Variants in ESPNL observed in about 807,000 individuals in gnomAD.
ESPNL encodes the protein espin like.
A neutral mutation model predicts 46.8 loss-of-function variants in ESPNL; 49 were observed. The observed-to-expected ratio is 1.05, with a 90% CI of 0.83 to 1.33. The LOEUF (loss-of-function observed/expected upper bound fraction) is 1.33, where lower values mean the gene tolerates loss of function less well. Ranked by LOEUF, ESPNL falls within the 40% of genes most tolerant of loss-of-function variation. The pLI, the probability that ESPNL is intolerant of heterozygous loss-of-function variation, is 0.00. For missense variants in ESPNL, 1,540 were observed against 1,436.6 expected, an observed-to-expected ratio of 1.07 and a Z score of -1.16; for synonymous variants, 664 against 662.1, an observed-to-expected ratio of 1.00 and a Z score of -0.04.
At chr2:238,113,866 TC>T (rs1691761508) in intron 4 of ESPNL, among the ~76,000 whole-genome samples, 1 of 152,168 alleles carries the variant, frequency 6.6e-6, no homozygotes. Context: ...TAACTGTTCT[TC>T]CGTCGTCAGC....
chr2:238,108,804 CT>C (rs1212503819), intron 4 of ESPNL, among the ~76,000 whole-genome samples: 1 of 152,220 alleles, frequency 6.6e-6, no homozygotes, highest in Non-Finnish European at 1.5e-5. Flanking sequence ...CAAGGTCTTC[CT>C]GGGGCCCCGG....
At chr2:238,120,214 C>T (rs1691955664) in intron 5 of ESPNL, among the ~76,000 whole-genome samples, 1 of 152,180 alleles carries the variant, frequency 6.6e-6, no homozygotes, top group African/African-American at 2.4e-5. Flanking sequence ...TGGCCCACAG[C>T]CCAGGAGTGC....
At chr2:238,124,837 A>G (rs1692069028) in intron 5 of ESPNL, among the ~76,000 whole-genome samples, 1 of 149,758 alleles carries the variant, frequency 6.7e-6, no homozygotes, top group African/African-American at 2.5e-5. Context: ...AGGAGAGTAC[A>G]TGCATGTGTG....
chr2:238,101,131 C>T (rs1031950027), intron 1 of ESPNL, among the ~76,000 whole-genome samples: 2 of 152,154 alleles, frequency 1.3e-5, no homozygotes, highest in Non-Finnish European at 1.5e-5. Context: ...TGATGGTGAT[C>T]GTCTTGTCCG....
At chr2:238,104,540 G>C in intron 2 of ESPNL, 116 bp from the exon 3 acceptor site, 3 of 1,201,076 alleles carry the variant, frequency 2.5e-6, no homozygotes, top group Non-Finnish European at 3.4e-6. Flanking sequence ...TGGAAAGCAT[G>C]TGGGAAACTC....
chr2:238,131,222 C>T lies in ESPNL; in HGVS notation c.2508C>T (p.Pro836=), dbSNP rs528664222. 5.8e-5 allele frequency: 90 copies of T among 1,553,360 alleles called. No individual in the cohort carries two copies. In the East Asian group the frequency reaches 1.3e-3, roughly 23 times the overall value. Residue 836 remains proline (P), a synonymous_variant, in exon 9 of 9, where the codon CCC becomes CCT. Coordinates refer to ENST00000343063, the MANE Select transcript of ESPNL (RefSeq NM_194312.4). The part of the protein sequence containing the change: ...LSRQPRGALS[P]EQFLPHVDGA... ...GGCAGCCCCGCGGGGCTTTGTCCCC[C>T]GAGCAGTTCCTGCCCCACGTGGACG...
rs761246347 is a variant in ESPNL, at chr2:238,100,485, G to A, written c.66G>A (p.Leu22=). ...ATGTGGCGACGTTGGAGCGGCTGCT[G>A]GAGGCTGGCGCCCTGGGCCCGGGCA... ...DGDVATLERL[L]EAGALGPGIT... is the part of the protein sequence containing the mutation. Residue 22 remains leucine (L), a synonymous_variant, in exon 1 of 9, where the codon CTG becomes CTA. Transcript: ENST00000343063. 6.2e-7 allele frequency: 1 copy of A among 1,601,024 alleles called. No homozygotes were observed.
intron 2 of ESPNL, among the ~76,000 whole-genome samples, chr2:238,102,955 C>T (rs1482228388): frequency 6.6e-6 from 1 of 152,236 alleles, no homozygotes; most frequent in African/African-American, 2.4e-5. Flanking sequence ...CGACAGCTTG[C>T]TTGTGGAATC....
At chr2:238,126,957 GTGTC>G (rs963429441) in intron 6 of ESPNL, among the ~76,000 whole-genome samples, 19 of 80,044 alleles carry the variant, frequency 2.4e-4, no homozygotes, top group East Asian at 8.9e-4. Flanking sequence ...CTGTTATTGT[GTGTC>G]TGTGTGTATG....
chr2:238,100,347 G>T lies in ESPNL; in HGVS notation c.-73G>T. The T allele has an allele frequency of 4.1e-6, 5 of 1,230,348 alleles. No individual in the cohort carries two copies. The highest frequency in any genetic ancestry group is 5.2e-6 in the Non-Finnish European group (5 of 961,320). 76.2% of individuals were successfully genotyped at this position (1,230,348 alleles called of 1,614,324 possible). A position where few individuals can be genotyped will look rare whatever the true frequency, so the allele number is the denominator to read the frequency against. On this transcript the variant is annotated 5_prime_UTR_variant, in exon 1 of 9. Transcript: ENST00000343063. ...GCAGCTTATCGGGTAACCAGAGCCG[G>T]CAGCTTCATCCACGTCTGAAACAGG... is the stretch of plus-strand genomic sequence containing the variant.
At chr2:238,103,436 AGAAG>A (rs1488311211) in intron 2 of ESPNL, among the ~76,000 whole-genome samples, 19 of 86,422 alleles carry the variant, frequency 2.2e-4, no homozygotes, top group African/African-American at 1.7e-3. Context: ...CTCAAAAAAA[AGAAG>A]AAAACCAGGA....
At chr2:238,118,387 AGGG>A in intron 5 of ESPNL, among the ~76,000 whole-genome samples, 1 of 72,868 alleles carries the variant, frequency 1.4e-5, no homozygotes, top group African/African-American at 8.7e-5. Flanking sequence ...TGGATGGAGA[AGGG>A]TGGATGGAAG....
chr2:238,130,696 C>T lies in ESPNL; in HGVS notation c.1982C>T (p.Ser661Leu), dbSNP rs1186767245. Residue 661 changes from serine (S) to leucine (L), a missense_variant, in exon 9 of 9, where the codon TCG becomes TTG. By Grantham distance (145) the Ser-to-Leu change is moderately radical. Coordinates refer to ENST00000343063, the MANE Select transcript of ESPNL (RefSeq NM_194312.4). ...CGGACGCTGCGGGGCAACTTCGAGT[C>T]GGCCTCTGGCCCACTCTGTGGCTTC... ...SVRTLRGNFE[S>L]ASGPLCGFNP... 5.1e-6 allele frequency: 8 copies of T among 1,564,462 alleles called. No individual in the cohort carries two copies. The East Asian group carries it at 9.4e-5, about 18-fold the overall frequency.
Position 238,131,118 on chromosome 2 carries a change from A to G in ESPNL, c.2404A>G (p.Ser802Gly). Residue 802 changes from serine to glycine, a missense_variant, in exon 9 of 9, where the codon AGC (serine) becomes GGC (glycine). By Grantham distance (56) the Ser-to-Gly change is moderately conservative (BLOSUM62 0). Coordinates refer to ENST00000343063, the MANE Select transcript of ESPNL (RefSeq NM_194312.4). ...PRLGHLWQQR[S>G]TITHLLGNWK... ...GCTGGGCCACCTGTGGCAGCAGCGCAGCACCATCACCCACCTGCTGGGCAA... is the reference window on the plus strand; with the variant it reads ...GCTGGGCCACCTGTGGCAGCAGCGCGGCACCATCACCCACCTGCTGGGCAA... 1 of 1,545,234 alleles carries G rather than the reference A, an allele frequency of 6.5e-7. No individual in the cohort carries two copies. The highest frequency in any genetic ancestry group is 8.7e-7 in the Non-Finnish European group (1 of 1,146,718).
chr2:238,124,503 C>T (rs1020849498), intron 5 of ESPNL, among the ~76,000 whole-genome samples: 1 of 152,268 alleles, frequency 6.6e-6, no homozygotes, highest in Admixed American at 6.5e-5. Flanking sequence ...AGGCGGACCA[C>T]AGCACAGGAG....
At chr2:238,127,009 G>C (rs1692149950) in intron 6 of ESPNL, among the ~76,000 whole-genome samples, 1 of 149,956 alleles carries the variant, frequency 6.7e-6, no homozygotes, top group Non-Finnish European at 1.5e-5. Flanking sequence ...TTGTGTATCT[G>C]TGTGTGATTG....
chr2:238,108,227 C>A (rs1691642199), intron 4 of ESPNL, among the ~76,000 whole-genome samples: 1 of 152,234 alleles, frequency 6.6e-6, no homozygotes, highest in South Asian at 2.1e-4. Flanking sequence ...CGTGCCTGGT[C>A]AGGGCTTGGT....
intron 6 of ESPNL, 50 bp from the exon 7 acceptor site, chr2:238,127,572 C>T (rs760019254): frequency 9.2e-6 from 14 of 1,527,666 alleles, no homozygotes; most frequent in Non-Finnish European, 1.2e-5. Context: ...CTCTGGGTCT[C>T]TGCTCCCCAG....
At chr2:238,128,499 C>T (rs976427526) in intron 7 of ESPNL, among the ~76,000 whole-genome samples, 1 of 152,166 alleles carries the variant, frequency 6.6e-6, no homozygotes, top group Non-Finnish European at 1.5e-5. Flanking sequence ...TCTTACCCCG[C>T]CCCCTCCAGT....
Sources: allele counts gnomAD v4.1 joint callset (sites outside exome capture counted in the v4.1 genomes callset), GRCh38; gene constraint gnomAD v4.1.1; transcripts MANE v1.5; gene names NCBI Gene and HGNC (gene_info 2026-07-23, HGNC 2026-07-21).